Variants in TMEM38B observed in about 807,000 individuals in gnomAD.
The protein encoded by TMEM38B is transmembrane protein 38B.
TMEM38B carries 24 observed loss-of-function variants against 28.7 expected under a neutral mutation model. That is an observed-to-expected ratio of 0.84 (90% CI 0.61 to 1.18). The LOEUF (loss-of-function observed/expected upper bound fraction) is 1.18. Ranked by LOEUF, TMEM38B falls within the 50% of genes most tolerant of loss-of-function variation. The pLI, the probability that TMEM38B is intolerant of heterozygous loss-of-function variation, is 0.00. For missense variants in TMEM38B, 380 were observed against 350.9 expected (o/e 1.08, Z -0.66); for synonymous variants, 131 against 127.7 (o/e 1.03, Z -0.17).
chr9:105,705,817 A>T, intron 2 of TMEM38B, 64 bp downstream of exon 2: 1 of 1,506,586 alleles, frequency 6.6e-7, no homozygotes, highest in South Asian at 1.3e-5. Context: ...TGTTAGTAAA[A>T]TGAATTTTTT....
At position 105,732,741 on chromosome 9, in the gene TMEM38B, G is replaced by A. The variant is rs182282592; in HGVS notation, c.542+10120G>A. On this transcript the variant is annotated intron_variant, in intron 4 of 5. Coordinates refer to ENST00000374692, the MANE Select transcript of TMEM38B (RefSeq NM_018112.3). ...GTAGTATAGTTTGAAGTCAGGTAGC[G>A]TGATGCCTCCAGCTTTGTTCTTTTT... Among the ~76,000 whole-genome samples, 909 of 152,250 alleles carry A rather than the reference G, an allele frequency of 6.0e-3. 15 individuals are homozygous for A. The highest frequency in any genetic ancestry group is 0.021 in the African/African-American group (865 of 41,568).
intron 1 of TMEM38B, among the ~76,000 whole-genome samples, chr9:105,698,759 A>G (rs746830327): frequency 3.3e-5 from 5 of 152,028 alleles, no homozygotes; most frequent in Admixed American, 6.5e-5. Flanking sequence ...GAAGCTTTCC[A>G]TTTTTTAAGC....
chr9:105,750,154 C>A (rs1291002642), intron 5 of TMEM38B, among the ~76,000 whole-genome samples: 1 of 152,140 alleles, frequency 6.6e-6, no homozygotes, highest in African/African-American at 2.4e-5. Flanking sequence ...GGGAAAATAT[C>A]TAGTCAGATC....
Position 105,705,657 on chromosome 9 carries a change from GT to G in TMEM38B, c.177del (p.Phe59LeufsTer16). ...ISSWFTAMLHCFGGGILSCLL... is the reference protein window; with the variant it reads ...ISSWFTAMLHXFGGGILSCLL... ...AGCTGGTTTACTGCTATGCTCCACT[GT>G]TTTGGTGGAGGAATTTTATCCTGTC... On this transcript the variant is annotated frameshift_variant, in exon 2 of 6. Coordinates refer to ENST00000374692, the MANE Select transcript of TMEM38B (RefSeq NM_018112.3). LOFTEE classifies it high-confidence loss of function. The G allele has an allele frequency of 5.0e-6, 8 of 1,613,964 alleles. No homozygotes were observed. Among genetic ancestry groups the G allele is most frequent in the Non-Finnish European group, 6.8e-6 (8 of 1,179,968 alleles).
chr9:105,738,187 A>G (rs572104926), intron 4 of TMEM38B, among the ~76,000 whole-genome samples: 142 of 152,036 alleles, frequency 9.3e-4, no homozygotes, highest in African/African-American at 3.3e-3. Context: ...ACTCTGAACA[A>G]TTCCCTCAGC....
chr9:105,701,925 T>C (rs1835474237), intron 1 of TMEM38B, among the ~76,000 whole-genome samples: 1 of 152,158 alleles, frequency 6.6e-6, no homozygotes, highest in Non-Finnish European at 1.5e-5. Context: ...GATTCAAACT[T>C]GATCTAAGGC....
Position 105,738,715 on chromosome 9 carries a change from C to CTTTTTTTTTTTTTTT in TMEM38B, c.543-9351_543-9337dup, listed in dbSNP as rs71489351. Among the ~76,000 whole-genome samples the CTTTTTTTTTTTTTTT allele has an allele frequency of 1.8e-5, 2 of 109,690 alleles. 1 individual carries two copies. The highest frequency in any genetic ancestry group is 8.2e-5 in the African/African-American group (2 of 24,504). The allele number at this position is 109,690 out of a possible 152,430, so 72.0% of individuals were successfully genotyped here. ...CAGATCCATATGAGTTAATTTTTTC[C>CTTTTTTTTTTTTTTT]TTTTTTTTTTTTTTTTTTTTTGAGA... On this transcript the variant is annotated intron_variant, in intron 4 of 5. Coordinates refer to ENST00000374692, the MANE Select transcript of TMEM38B (RefSeq NM_018112.3).
At chr9:105,744,580 TTTTTTA>T (rs1198975912) in intron 4 of TMEM38B, among the ~76,000 whole-genome samples, 2 of 151,876 alleles carry the variant, frequency 1.3e-5, no homozygotes, top group Non-Finnish European at 2.9e-5. Context: ...TATTTTTTTA[TTTTTTA>T]TTTTTATTTT....
intron 1 of TMEM38B, among the ~76,000 whole-genome samples, chr9:105,704,094 A>AG (rs1835556414): frequency 1.7e-5 from 1 of 57,800 alleles, no homozygotes; most frequent in Non-Finnish European, 3.3e-5. Flanking sequence ...GGGTAGGGGG[A>AG]GGGGGGAGGG....
At chr9:105,706,392 A>T (rs1213664946) in intron 2 of TMEM38B, among the ~76,000 whole-genome samples, 1 of 152,188 alleles carries the variant, frequency 6.6e-6, no homozygotes, top group Admixed American at 6.5e-5. Context: ...GATTAGAGAG[A>T]CCAGTATGCG....
intron 5 of TMEM38B, 75 bp from the exon 6 acceptor site, chr9:105,773,790 T>C: frequency 7.0e-7 from 1 of 1,432,718 alleles, no homozygotes; most frequent in African/African-American, 1.4e-5. Flanking sequence ...TTTGATTTTT[T>C]TTCCTTTTGT....
At chr9:105,773,608 T>A (rs1826630644) in intron 5 of TMEM38B, among the ~76,000 whole-genome samples, 1 of 152,146 alleles carries the variant, frequency 6.6e-6, no homozygotes, top group Non-Finnish European at 1.5e-5. Context: ...GAATACTAAA[T>A]GCATTTTTGT....
chr9:105,745,699 T>A (rs1200929187), intron 4 of TMEM38B, among the ~76,000 whole-genome samples: 1 of 152,204 alleles, frequency 6.6e-6, no homozygotes, highest in African/African-American at 2.4e-5. Flanking sequence ...TAGATTTTCT[T>A]CTAGGATTTT....
Position 105,696,982 on chromosome 9 carries a change from C to T in TMEM38B, c.112+2210C>T, listed in dbSNP as rs1008943839. ...TTTAAAATTTTCTCAGTTATAATTT[C>T]TAAGATGCTAAGTATTGATACTTGT... is the stretch of plus-strand genomic sequence containing the variant. On this transcript the variant is annotated intron_variant, in intron 1 of 5. Coordinates refer to ENST00000374692, the MANE Select transcript of TMEM38B (RefSeq NM_018112.3). Among the ~76,000 whole-genome samples the T allele has an allele frequency of 2.6e-5, 4 of 152,324 alleles. No individual in the cohort carries two copies. The East Asian group carries it at 7.7e-4, about 29-fold the overall frequency.
intron 1 of TMEM38B, among the ~76,000 whole-genome samples, chr9:105,697,787 T>TA (rs1475218290): frequency 6.6e-6 from 1 of 152,190 alleles, no homozygotes; most frequent in Non-Finnish European, 1.5e-5. Context: ...TTAATTTTTT[T>TA]CTCCTATGTC....
In TMEM38B at chr9:105,705,923, C is replaced by T. The variant is rs944543176; in HGVS notation, c.269+170C>T. 2.2e-3 allele frequency among the ~76,000 whole-genome samples: 310 copies of T among 139,984 alleles called. 1 individual carries two copies. Among genetic ancestry groups the T allele is most frequent in the African/African-American group, 6.9e-3 (259 of 37,452 alleles). 91.8% of individuals were successfully genotyped at this position (139,984 alleles called of 152,430 possible). A position where few individuals can be genotyped will look rare whatever the true frequency, so the allele number is the denominator to read the frequency against. On this transcript the variant is annotated intron_variant, in intron 2 of 5. Transcript: ENST00000374692. ...AGGGGTTTTTTTTTTTTTTTTGAGA[C>T]GGAGTCTCACTCTGTTGCCCAGGCT...
chr9:105,750,472 A>C (rs561733418), intron 5 of TMEM38B, among the ~76,000 whole-genome samples: 1 of 152,162 alleles, frequency 6.6e-6, no homozygotes, highest in South Asian at 2.1e-4. Flanking sequence ...AAAAATATAA[A>C]AATTAGTTGT....
chr9:105,728,814 TTTCTCTCA>T (rs1436701187), intron 4 of TMEM38B, among the ~76,000 whole-genome samples: 2 of 152,222 alleles, frequency 1.3e-5, no homozygotes, highest in Non-Finnish European at 2.9e-5. Context: ...TTGATTTGCA[TTTCTCTCA>T]TGACCAGTGA....
intron 5 of TMEM38B, among the ~76,000 whole-genome samples, chr9:105,772,085 G>C (rs1228149918): frequency 6.6e-6 from 1 of 152,200 alleles, no homozygotes; most frequent in African/African-American, 2.4e-5. Context: ...TAAGCCTGAA[G>C]TACATCCCTG....
Sources: allele counts gnomAD v4.1 joint callset (sites outside exome capture counted in the v4.1 genomes callset), GRCh38; gene constraint gnomAD v4.1.1; transcripts MANE v1.5; gene names NCBI Gene and HGNC (gene_info 2026-07-23, HGNC 2026-07-21).